Variants in MACROD2 observed in about 807,000 individuals in gnomAD.
MACROD2 encodes the protein ADP-ribose glycohydrolase MACROD2.
MACROD2 carries 36 observed loss-of-function variants against 70.4 expected under a neutral mutation model. The observed-to-expected ratio is 0.51, with a 90% CI of 0.39 to 0.68. MACROD2 has a LOEUF of 0.68. Ranked by LOEUF, MACROD2 falls within the 30% of genes least tolerant of loss-of-function variation. The pLI is 0.00. For synonymous variants in MACROD2, 172 were observed against 178.8 expected (o/e 0.96, Z 0.30); for missense variants, 496 against 538.4 (o/e 0.92, Z 0.78).
At chr20:15,784,764 G>A (rs1034703404) in intron 8 of MACROD2, among the ~76,000 whole-genome samples, 2 of 152,016 alleles carry the variant, frequency 1.3e-5, no homozygotes, top group East Asian at 3.8e-4. Context: ...GATAAATGGG[G>A]GGCCATGGTA....
intron 5 of MACROD2, among the ~76,000 whole-genome samples, chr20:14,766,385 C>T (rs773788156): frequency 1.3e-5 from 2 of 152,022 alleles, no homozygotes; most frequent in Non-Finnish European, 2.9e-5. Context: ...AAGAGAATCC[C>T]AGTGATAGTG....
chr20:14,743,835 G>A lies in MACROD2; in HGVS notation c.418+58876G>A, dbSNP rs75828587. 1.2e-3 allele frequency among the ~76,000 whole-genome samples: 177 copies of A among 152,212 alleles called. No homozygotes were observed. In the East Asian group the frequency reaches 0.013, roughly 11 times the overall value. On this transcript the variant is annotated intron_variant, in intron 5 of 17. Transcript: ENST00000684519. ...CGGGAGATTATCTTGAATTGTCTAG[G>A]TAGAACTGGATGTAGTCTTAACAGT...
chr20:14,972,474 TACA>T (rs1039671633), intron 5 of MACROD2, among the ~76,000 whole-genome samples: 3 of 152,210 alleles, frequency 2.0e-5, no homozygotes, highest in African/African-American at 7.2e-5. Flanking sequence ...TCAGCAGCAC[TACA>T]ACACTTTCTA....
At chr20:14,368,017 T>G (rs939581911) in intron 3 of MACROD2, among the ~76,000 whole-genome samples, 3 of 152,196 alleles carry the variant, frequency 2.0e-5, no homozygotes, top group African/African-American at 7.2e-5. Flanking sequence ...GTACTTTTAT[T>G]TCCAGAATAT....
At chr20:15,800,177 T>A (rs1280744072) in intron 8 of MACROD2, among the ~76,000 whole-genome samples, 1 of 152,216 alleles carries the variant, frequency 6.6e-6, no homozygotes, top group Non-Finnish European at 1.5e-5. Context: ...TCTTTGTATA[T>A]TCTGGGTATT....
chr20:15,403,358 A>G (rs1244957599), intron 6 of MACROD2, among the ~76,000 whole-genome samples: 2 of 152,166 alleles, frequency 1.3e-5, no homozygotes, highest in East Asian at 3.9e-4. Flanking sequence ...ATATATTGGC[A>G]TATCCAAGTG....
At chr20:14,750,647 A>T (rs575249964) in intron 5 of MACROD2, among the ~76,000 whole-genome samples, 2 of 151,870 alleles carry the variant, frequency 1.3e-5, no homozygotes, top group African/African-American at 4.8e-5. Context: ...TTTTGTAGAG[A>T]TGGGGTTTTG....
At chr20:14,811,137 C>A (rs6034045) in intron 5 of MACROD2, among the ~76,000 whole-genome samples, 1 of 152,028 alleles carries the variant, frequency 6.6e-6, no homozygotes, top group African/African-American at 2.4e-5. Context: ...CAAGTCAATC[C>A]TAAGCAAAAA....
At chr20:15,442,342 G>T (rs765248464) in intron 7 of MACROD2, among the ~76,000 whole-genome samples, 1 of 152,110 alleles carries the variant, frequency 6.6e-6, no homozygotes, top group Non-Finnish European at 1.5e-5. Flanking sequence ...CTCCGAAATA[G>T]ACTGGCTTAT....
chr20:15,744,396 C>T (rs1306868802), intron 8 of MACROD2, among the ~76,000 whole-genome samples: 2 of 152,116 alleles, frequency 1.3e-5, no homozygotes, highest in Admixed American at 6.6e-5. Context: ...GTTGCCTAGT[C>T]TAGTAATGGA....
chr20:15,652,638 T>G (rs536524872), intron 8 of MACROD2, among the ~76,000 whole-genome samples: 11 of 152,256 alleles, frequency 7.2e-5, no homozygotes, highest in African/African-American at 2.6e-4. Flanking sequence ...ATTTTCAGAT[T>G]AATAATCAAG....
chr20:15,461,003 T>TATATAC (rs1227124736), intron 7 of MACROD2, among the ~76,000 whole-genome samples: 1 of 78,232 alleles, frequency 1.3e-5, no homozygotes, highest in Non-Finnish European at 2.6e-5. Context: ...TATATATATA[T>TATATAC]ATATTTTTTT....
At chr20:15,023,237 C>CTA (rs1568536357) in intron 5 of MACROD2, among the ~76,000 whole-genome samples, 15 of 152,146 alleles carry the variant, frequency 9.9e-5, no homozygotes, top group Admixed American at 2.6e-4. Context: ...CACTTAGAGC[C>CTA]TCTATAACTG....
chr20:15,631,967 G>A (rs762970990), intron 8 of MACROD2, among the ~76,000 whole-genome samples: 7 of 152,052 alleles, frequency 4.6e-5, no homozygotes, highest in African/African-American at 7.2e-5. Context: ...GTGAAACCCC[G>A]TCTCTACTAA....
chr20:14,261,791 G>A lies in MACROD2; in HGVS notation c.271+176063G>A, dbSNP rs151118989. On this transcript the variant is annotated intron_variant, in intron 3 of 17. Coordinates refer to ENST00000684519, the MANE Select transcript of MACROD2 (RefSeq NM_001351661.2). ...CTGTCTACAATATACTTTACATATAGTAGAAGACTAATTCACAGTAGAGCA... is the reference window on the plus strand; with the variant it reads ...CTGTCTACAATATACTTTACATATAATAGAAGACTAATTCACAGTAGAGCA... Among the ~76,000 whole-genome samples the A allele has an allele frequency of 9.5e-3, 1,447 of 152,242 alleles. 11 individuals carry two copies. Among genetic ancestry groups the A allele is most frequent in the Middle Eastern group, 0.024 (7 of 294 alleles).
At chr20:15,491,372 G>A (rs2047229855) in intron 7 of MACROD2, among the ~76,000 whole-genome samples, 1 of 152,218 alleles carries the variant, frequency 6.6e-6, no homozygotes, top group South Asian at 2.1e-4. Flanking sequence ...GATCAGACAT[G>A]ACACCTCATT....
At chr20:15,554,609 A>T (rs935618808) in intron 8 of MACROD2, among the ~76,000 whole-genome samples, 1 of 151,684 alleles carries the variant, frequency 6.6e-6, no homozygotes, top group African/African-American at 2.4e-5. Context: ...AAACATGGTT[A>T]TATAACTTGT....
intron 5 of MACROD2, among the ~76,000 whole-genome samples, chr20:15,103,220 A>G (rs1049814228): frequency 6.6e-6 from 1 of 152,106 alleles, no homozygotes; most frequent in Non-Finnish European, 1.5e-5. Flanking sequence ...CAAAGACCCA[A>G]GTTTCTTCCT....
chr20:15,755,718 G>A (rs979143329), intron 8 of MACROD2, among the ~76,000 whole-genome samples: 21 of 152,276 alleles, frequency 1.4e-4, no homozygotes, highest in African/African-American at 4.6e-4. Flanking sequence ...ACCCAACATT[G>A]TGCCTGAAAA....
Sources: gnomAD v4.1 joint callset for allele counts (sites outside exome capture counted in the v4.1 genomes callset) on GRCh38, gnomAD v4.1.1 for gene constraint, MANE v1.5 for transcripts, NCBI Gene and HGNC (gene_info 2026-07-23, HGNC 2026-07-21) for gene names.